Variants in DNAAF11 observed in about 807,000 individuals in gnomAD.
The protein encoded by DNAAF11 is dynein axonemal assembly factor 11.
DNAAF11 carries 45 observed loss-of-function variants against 60.8 expected under a neutral mutation model. That is an observed-to-expected ratio of 0.74 (90% CI 0.58 to 0.95). DNAAF11 has a LOEUF of 0.95. DNAAF11 is among the 40% of genes least tolerant of loss of function. DNAAF11 has a pLI of 0.00. For synonymous variants in DNAAF11, 191 were observed against 183.5 expected (o/e 1.04, Z -0.33); for missense variants, 546 against 546.2 (o/e 1.00, Z 0.00).
chr8:132,645,329 T>C (rs569894040), intron 3 of DNAAF11, among the ~76,000 whole-genome samples: 1 of 152,180 alleles, frequency 6.6e-6, no homozygotes, highest in African/African-American at 2.4e-5. Flanking sequence ...AAACCCCATC[T>C]GTACGTCACC....
At chr8:132,644,364 G>A (rs1822151384) in intron 3 of DNAAF11, among the ~76,000 whole-genome samples, 1 of 152,172 alleles carries the variant, frequency 6.6e-6, no homozygotes, top group South Asian at 2.1e-4. Flanking sequence ...ATCAATAGGA[G>A]GAGGTTTCAA....
intron 6 of DNAAF11, among the ~76,000 whole-genome samples, chr8:132,624,633 A>G (rs989370682): frequency 6.6e-6 from 1 of 152,134 alleles, no homozygotes; most frequent in African/African-American, 2.4e-5. Context: ...GGGCTAATTT[A>G]TCACATTCTC....
intron 1 of DNAAF11, among the ~76,000 whole-genome samples, chr8:132,673,748 C>G (rs919920379): frequency 6.6e-6 from 1 of 152,090 alleles, no homozygotes; most frequent in African/African-American, 2.4e-5. Context: ...GGTTAGGTCC[C>G]CTACCCACAC....
intron 7 of DNAAF11, among the ~76,000 whole-genome samples, chr8:132,621,853 G>A (rs1408168608): frequency 3.9e-5 from 6 of 152,146 alleles, no homozygotes; most frequent in African/African-American, 1.2e-4. Flanking sequence ...TTCTGGACAT[G>A]TAAAAAAGAA....
At chr8:132,702,755 G>A in the DNAAF11 span, among the ~76,000 whole-genome samples, 2 of 152,090 alleles carry the variant, frequency 1.3e-5, no homozygotes, top group African/African-American at 4.8e-5. Flanking sequence ...GCTTAGAAAC[G>A]TGAAATCGCT....
At chr8:132,677,676 C>T (rs1041834244), upstream of DNAAF11, among the ~76,000 whole-genome samples, 19 of 151,908 alleles carry the variant, frequency 1.3e-4, no homozygotes, top group African/African-American at 4.4e-4. Context: ...CCCAGGAGTT[C>T]GAGGCTGCAG....
At chr8:132,624,669 A>G (rs545750356) in intron 6 of DNAAF11, among the ~76,000 whole-genome samples, 2 of 152,268 alleles carry the variant, frequency 1.3e-5, no homozygotes, top group South Asian at 2.1e-4. Flanking sequence ...AAGTATTCCC[A>G]TAAGTTATAT....
At chr8:132,600,396 T>C (rs1418086024) in intron 10 of DNAAF11, among the ~76,000 whole-genome samples, 3 of 152,182 alleles carry the variant, frequency 2.0e-5, no homozygotes, top group Non-Finnish European at 2.9e-5. Context: ...TACCAATGAC[T>C]TTCTTCACAG....
chr8:132,594,659 G>A (rs908575768), intron 10 of DNAAF11, among the ~76,000 whole-genome samples: 3 of 152,092 alleles, frequency 2.0e-5, no homozygotes, highest in African/African-American at 7.2e-5. Flanking sequence ...GTTCTCAGGA[G>A]ACCTGATGGT....
chr8:132,644,321 C>T (rs1822147881), intron 3 of DNAAF11, among the ~76,000 whole-genome samples: 1 of 152,148 alleles, frequency 6.6e-6, no homozygotes, highest in Non-Finnish European at 1.5e-5. Context: ...AAAACACCTC[C>T]AGCACCAAAC....
At chr8:132,590,250 C>G (rs1444340691) in intron 10 of DNAAF11, among the ~76,000 whole-genome samples, 1 of 152,218 alleles carries the variant, frequency 6.6e-6, no homozygotes, top group South Asian at 2.1e-4. Context: ...GCTTTCACAA[C>G]CCCTGTCTGC....
rs1586490906 is a variant in DNAAF11, at chr8:132,587,926, G to A, written c.1141-4147C>T. On this transcript the variant is annotated intron_variant, in intron 10 of 11. Transcript: ENST00000620350. ...TCTGATGCATGACTTTCCAACTTTT[G>A]CTTAAATAGTACCTGGGTTGAAGTT... 2.6e-5 allele frequency among the ~76,000 whole-genome samples: 4 copies of A among 152,238 alleles called. No individual in the cohort carries two copies. The South Asian group carries it at 8.3e-4, about 32-fold the overall frequency.
At chr8:132,677,721 A>C (rs1308023027), upstream of DNAAF11, among the ~76,000 whole-genome samples, 2 of 152,142 alleles carry the variant, frequency 1.3e-5, no homozygotes, top group African/African-American at 2.4e-5. Flanking sequence ...CCTGGGCGAC[A>C]TAGTGAGACT....
chr8:132,594,069 C>T (rs997132712), intron 10 of DNAAF11, among the ~76,000 whole-genome samples: 4 of 151,902 alleles, frequency 2.6e-5, no homozygotes, highest in Non-Finnish European at 5.9e-5. Context: ...GCTTATTATA[C>T]AAATAATAAG....
the DNAAF11 span, among the ~76,000 whole-genome samples, chr8:132,695,799 G>A: frequency 1.9e-4 from 29 of 152,258 alleles, no homozygotes; most frequent in South Asian, 4.1e-4. Context: ...AATAGTTAGA[G>A]TATTCGATTC....
intron 10 of DNAAF11, among the ~76,000 whole-genome samples, chr8:132,587,722 T>C (rs988821088): frequency 2.0e-5 from 3 of 152,082 alleles, no homozygotes; most frequent in Admixed American, 1.3e-4. Flanking sequence ...CAGAGAGAAA[T>C]GTAATCAACT....
At chr8:132,657,868 G>A (rs933796813) in intron 2 of DNAAF11, among the ~76,000 whole-genome samples, 2 of 152,124 alleles carry the variant, frequency 1.3e-5, no homozygotes, top group Non-Finnish European at 2.9e-5. Context: ...TAATTCACTT[G>A]TCCAAGGTTA....
At chr8:132,582,560 C>G (rs1195097828) in intron 11 of DNAAF11, among the ~76,000 whole-genome samples, 1 of 152,104 alleles carries the variant, frequency 6.6e-6, no homozygotes. Context: ...CTTGTATGTG[C>G]AATGGAAATC....
intron 3 of DNAAF11, among the ~76,000 whole-genome samples, chr8:132,648,337 C>T (rs1822618034): frequency 6.6e-6 from 1 of 152,128 alleles, no homozygotes; most frequent in African/African-American, 2.4e-5. Context: ...TCTCAATAAA[C>T]TAGGTATTGA....
Sources: allele counts gnomAD v4.1 joint callset (sites outside exome capture counted in the v4.1 genomes callset), GRCh38; gene constraint gnomAD v4.1.1; transcripts MANE v1.5; gene names NCBI Gene and HGNC (gene_info 2026-07-23, HGNC 2026-07-21).